SEC23B: variants seen among roughly 807,000 people sequenced by gnomAD.
The protein encoded by SEC23B is protein transport protein Sec23B.
In SEC23B, 77 loss-of-function variants were observed where a neutral mutation model predicts 104.3. The observed-to-expected ratio is 0.74, with a 90% CI of 0.61 to 0.89. SEC23B has a LOEUF of 0.89. SEC23B is among the 40% of genes least tolerant of loss of function. The probability of loss-of-function intolerance (pLI) is 0.00; values close to 1 mark genes in which losing one functional copy is unlikely to be tolerated. For synonymous variants in SEC23B, 338 were observed against 332.5 expected, an observed-to-expected ratio of 1.02 and a Z score of -0.18; for missense variants, 885 against 949.4, an observed-to-expected ratio of 0.93 and a Z score of 0.89.
intron 1 of SEC23B, among the ~76,000 whole-genome samples, chr20:18,510,581 A>G (rs1289582845): frequency 6.6e-6 from 1 of 152,206 alleles, no homozygotes; most frequent in Non-Finnish European, 1.5e-5. Flanking sequence ...CCTGGCCAAC[A>G]TGGTGAAACC....
chr20:18,530,946 C>A, intron 10 of SEC23B, 143 bp downstream of exon 10: 1 of 640,122 alleles, frequency 1.6e-6, no homozygotes, highest in Non-Finnish European at 2.7e-6. Flanking sequence ...CCTGGCCATA[C>A]TTTTAAAACT....
chr20:18,554,214 G>A, intron 17 of SEC23B, 21 bp from the exon 18 acceptor site: 1 of 1,614,014 alleles, frequency 6.2e-7, no homozygotes, highest in South Asian at 1.1e-5. Context: ...CAATAGTTTT[G>A]GTTGGTTTGT....
chr20:18,532,891 G>A, intron 11 of SEC23B, 147 bp downstream of exon 11: 6 of 709,064 alleles, frequency 8.5e-6, no homozygotes, highest in Admixed American at 6.1e-5. Flanking sequence ...GACTATACTC[G>A]GAGAGGTGGT....
intron 19 of SEC23B, among the ~76,000 whole-genome samples, chr20:18,555,738 TG>T (rs1316668977): frequency 2.0e-5 from 3 of 152,156 alleles, no homozygotes; most frequent in African/African-American, 7.2e-5. Flanking sequence ...AGAGATCACC[TG>T]TATCTTTTAC....
intron 10 of SEC23B, among the ~76,000 whole-genome samples, chr20:18,531,265 C>G (rs542383110): frequency 6.6e-6 from 1 of 152,180 alleles, no homozygotes; most frequent in Non-Finnish European, 1.5e-5. Flanking sequence ...GGCAGCCACA[C>G]GGTGGTCTGC....
At chr20:18,522,794 A>T (rs1032109667) in intron 4 of SEC23B, among the ~76,000 whole-genome samples, 2 of 151,990 alleles carry the variant, frequency 1.3e-5, no homozygotes, top group African/African-American at 4.8e-5. Context: ...GTGGTGGCTC[A>T]CACACGTAAT....
chr20:18,527,585 G>C lies in SEC23B; in HGVS notation c.1083G>C (p.Glu361Asp). Residue 361 changes from glutamate to aspartate, a missense_variant, in exon 9 of 20, where the codon GAG becomes GAC. Coordinates refer to ENST00000650089, the MANE Select transcript of SEC23B (RefSeq NM_006363.6). ...CCCTTGATCAAACTGGACTTTTGGA[G>C]ATGAAGTGTTGTGCAAATCTTACTG... ...ACALDQTGLLEMKCCANLTGG... is the reference protein window; with the variant it reads ...ACALDQTGLLDMKCCANLTGG... 6.2e-7 allele frequency: 1 copy of C among 1,610,074 alleles called. No homozygotes were observed. The highest frequency in any genetic ancestry group is 1.7e-5 in the Admixed American group (1 of 60,020).
At chr20:18,516,176 C>T (rs1600229343) in intron 4 of SEC23B, among the ~76,000 whole-genome samples, 1 of 151,772 alleles carries the variant, frequency 6.6e-6, no homozygotes, top group East Asian at 1.9e-4. Flanking sequence ...TTACTTGAAT[C>T]TTCTAATTGT....
At chr20:18,552,845 C>T (rs6075362) in intron 17 of SEC23B, among the ~76,000 whole-genome samples, 103,542 of 151,976 alleles carry the variant, frequency 0.68, 36,694 homozygotes, top group Non-Finnish European at 0.8. Flanking sequence ...AGCACAAGAA[C>T]GATTTATATA....
Position 18,531,895 on chromosome 20 carries a change from T to TA in SEC23B, c.1234-756dup, listed in dbSNP as rs11478997. Among the ~76,000 whole-genome samples the TA allele has an allele frequency of 1.4e-4, 21 of 148,702 alleles. No individual in the cohort carries two copies. The South Asian group carries it at 1.7e-3, about 12-fold the overall frequency. On this transcript the variant is annotated intron_variant, in intron 10 of 19. Transcript: ENST00000650089. ...CAAGACCCTGTGTCTACAAATGATT[T>TA]AAAAAAAAAAAAATTAACCTCGTGT... is the stretch of plus-strand genomic sequence containing the variant.
At chr20:18,529,686 A>G (rs1382613060) in intron 9 of SEC23B, among the ~76,000 whole-genome samples, 1 of 152,228 alleles carries the variant, frequency 6.6e-6, no homozygotes, top group Non-Finnish European at 1.5e-5. Flanking sequence ...CACTCCACAT[A>G]TAAAGGACAC....
At chr20:18,525,641 GT>G (rs2060127174) in intron 6 of SEC23B, 146 bp from the exon 7 acceptor site, 1 of 306,434 alleles carries the variant, frequency 3.3e-6, no homozygotes, top group Non-Finnish European at 6.0e-6. Flanking sequence ...TTTTGTGTTA[GT>G]AGAGAGATAG....
rs879238611 is a variant in SEC23B, at chr20:18,524,735, T to TAA, written c.603+69_603+70dup. 7 of 1,383,776 alleles carry TAA rather than the reference T, an allele frequency of 5.1e-6. No individual in the cohort carries two copies. The South Asian group carries it at 7.0e-5, about 14-fold the overall frequency. 85.7% of individuals were successfully genotyped at this position (1,383,776 alleles called of 1,614,324 possible). A position where few individuals can be genotyped will look rare whatever the true frequency, so the allele number is the denominator to read the frequency against. On this transcript the variant is annotated intron_variant, in intron 5 of 19. Coordinates refer to ENST00000650089, the MANE Select transcript of SEC23B (RefSeq NM_006363.6). ...TTTTTAAAAGAGACTGGGGTCTCTT[T>TAA]AAAAGAGCCTGTAGCCCAGGCTGGA...
Position 18,548,710 on chromosome 20 carries a change from C to G in SEC23B, c.1845C>G (p.Thr615=). The G allele has an allele frequency of 6.2e-7, 1 of 1,614,120 alleles. No homozygotes were observed. Among genetic ancestry groups the G allele is most frequent in the Non-Finnish European group, 8.5e-7 (1 of 1,180,024 alleles). ...YRHHFARQDL[T]QSLIMIQPIL... ...ATCATTTTGCCCGGCAGGACCTGAC[C>G]CAGTCCCTCATCATGATCCAGCCCA... The change falls in exon 16 of 20, where the codon ACC becomes ACG. Residue 615 remains threonine (T), a synonymous_variant. Transcript: ENST00000650089.
chr20:18,528,913 C>T (rs2060157745), intron 9 of SEC23B, among the ~76,000 whole-genome samples: 1 of 152,202 alleles, frequency 6.6e-6, no homozygotes, highest in Non-Finnish European at 1.5e-5. Context: ...GGGATGACTT[C>T]CAGCAAAGGC....
At chr20:18,516,161 CCTT>C (rs1346836618) in intron 4 of SEC23B, among the ~76,000 whole-genome samples, 3 of 152,070 alleles carry the variant, frequency 2.0e-5, no homozygotes, top group Non-Finnish European at 4.4e-5. Flanking sequence ...GCCAGCCACT[CCTT>C]CTTACTTGAA....
Position 18,532,650 on chromosome 20 carries a change from C to T in SEC23B, c.1234-14C>T. 6.3e-7 allele frequency: 1 copy of T among 1,593,744 alleles called. No individual in the cohort carries two copies. The highest frequency in any genetic ancestry group is 8.6e-7 in the Non-Finnish European group (1 of 1,161,434). ...AGTGATCTTTAACTTTACACTGTCACATATTTGTTATAGACCTCTCGGGAA... is the reference window on the plus strand; with the variant it reads ...AGTGATCTTTAACTTTACACTGTCATATATTTGTTATAGACCTCTCGGGAA... On this transcript the variant is annotated splice_polypyrimidine_tract_variant and intron_variant, in intron 10 of 19. Coordinates refer to ENST00000650089, the MANE Select transcript of SEC23B (RefSeq NM_006363.6).
chr20:18,526,422 C>A lies in SEC23B; in HGVS notation c.884C>A (p.Pro295His), dbSNP rs188884926. 8.1e-6 allele frequency: 13 copies of A among 1,614,032 alleles called. No homozygotes were observed. The highest frequency in any genetic ancestry group is 1.3e-5 in the African/African-American group (1 of 74,922). ...AGGATCATGCTGTTTACTGGAGGTCCCCCTACCCAAGGGCCTGGCATGGTG... is the reference window on the plus strand; with the variant it reads ...AGGATCATGCTGTTTACTGGAGGTCACCCTACCCAAGGGCCTGGCATGGTG... ...GARIMLFTGG[P>H]PTQGPGMVVG... The change falls in exon 8 of 20, where the codon CCC (proline) becomes CAC (histidine). Residue 295 changes from proline (P) to histidine (H), a missense_variant. Physicochemically the swap from Pro to His is moderately conservative, Grantham distance 77. Coordinates refer to ENST00000650089, the MANE Select transcript of SEC23B (RefSeq NM_006363.6).
intron 19 of SEC23B, among the ~76,000 whole-genome samples, chr20:18,558,951 A>G (rs1278546778): frequency 1.3e-5 from 2 of 151,858 alleles, no homozygotes; most frequent in Non-Finnish European, 2.9e-5. Flanking sequence ...CTTGGTAATC[A>G]CTTTGTGTAA....
Sources: allele counts gnomAD v4.1 joint callset (sites outside exome capture counted in the v4.1 genomes callset), GRCh38; gene constraint gnomAD v4.1.1; transcripts MANE v1.5; gene names NCBI Gene and HGNC (gene_info 2026-07-23, HGNC 2026-07-21).